GALNT18: variants seen among roughly 807,000 people sequenced by gnomAD.
GALNT18 encodes the protein polypeptide N-acetylgalactosaminyltransferase 18.
GALNT18 carries 44 observed loss-of-function variants against 69.5 expected under a neutral mutation model. The observed-to-expected ratio is 0.63, with a 90% CI of 0.50 to 0.81. The LOEUF (loss-of-function observed/expected upper bound fraction) is 0.81, where lower values mean the gene tolerates loss of function less well. GALNT18 is among the 40% of genes least tolerant of loss of function. The pLI, the probability that GALNT18 is intolerant of heterozygous loss-of-function variation, is 0.00. For missense variants in GALNT18, 715 were observed against 810.0 expected (o/e 0.88, Z 1.42); for synonymous variants, 364 against 318.2 (o/e 1.14, Z -1.53).
rs1855249064 is a variant in GALNT18, at chr11:11,430,894, A to G, written c.595+1727T>C. 2.0e-5 allele frequency among the ~76,000 whole-genome samples: 3 copies of G among 152,072 alleles called. No homozygotes were observed. Among genetic ancestry groups the G allele is most frequent in the African/African-American group, 2.4e-5 (1 of 41,412 alleles). On this transcript the variant is annotated intron_variant, in intron 3 of 10. Transcript: ENST00000227756. The surrounding 1 kb of genome is among the most constrained non-coding windows in gnomAD (Gnocchi z 4.9). ...TAATAAAGCATGACCAAATTCCTCC[A>G]TTGCCCAACTCTGACCCCATCATTC... is the stretch of plus-strand genomic sequence containing the variant.
rs1853951159 is a variant in GALNT18 at position 11,382,785 on chromosome 11, A to G, written c.596-3521T>C. On this transcript the variant is annotated intron_variant, in intron 3 of 10. Transcript: ENST00000227756. This position sits in a 1 kb window ranked among gnomAD's most constrained non-coding sequence, Gnocchi z 4.3. ...TAATTAATTTTTTGAAATTTCTATAAATAACATTTAATAAAGTGTCTTGGT... is the reference window on the plus strand; with the variant it reads ...TAATTAATTTTTTGAAATTTCTATAGATAACATTTAATAAAGTGTCTTGGT... Among the ~76,000 whole-genome samples, 1 of 152,184 alleles carries G rather than the reference A, an allele frequency of 6.6e-6. No individual in the cohort carries two copies. Among genetic ancestry groups the G allele is most frequent in the African/African-American group, 2.4e-5 (1 of 41,434 alleles).
At chr11:11,607,394 C>G (rs926988740) in intron 1 of GALNT18, among the ~76,000 whole-genome samples, 1 of 152,172 alleles carries the variant, frequency 6.6e-6, no homozygotes, top group African/African-American at 2.4e-5. Context: ...ACAATTCTCT[C>G]TAGTAAAGAA....
rs1339622291 is a variant in GALNT18, at chr11:11,270,960, C to T, written c.*184G>A. The T allele has an allele frequency of 3.9e-6, 2 of 516,246 alleles. No individual in the cohort carries two copies. The highest frequency in any genetic ancestry group is 3.8e-5 in the African/African-American group (2 of 53,192). The allele number at this position is 516,246 out of a possible 1,614,324, so 32.0% of individuals were successfully genotyped here. On this transcript the variant is annotated 3_prime_UTR_variant, in exon 11 of 11. Coordinates refer to ENST00000227756, the MANE Select transcript of GALNT18 (RefSeq NM_198516.3). ...AACTGCAAAATAGTTTGATATCATA[C>T]CATCACCTACCAATCAGCATCTTTC...
At chr11:11,445,137 C>T (rs539007603) in intron 2 of GALNT18, among the ~76,000 whole-genome samples, 1 of 152,350 alleles carries the variant, frequency 6.6e-6, no homozygotes, top group South Asian at 2.1e-4. Context: ...GCCTGCCACT[C>T]CCATTAGAGT....
intron 1 of GALNT18, among the ~76,000 whole-genome samples, chr11:11,532,234 C>G (rs1346488055): frequency 6.6e-6 from 1 of 152,114 alleles, no homozygotes; most frequent in Non-Finnish European, 1.5e-5. Context: ...GAGAGAGGAA[C>G]AACAGGAAAA....
chr11:11,479,553 G>T (rs1414517217), intron 1 of GALNT18, among the ~76,000 whole-genome samples: 2 of 151,496 alleles, frequency 1.3e-5, no homozygotes, highest in Non-Finnish European at 2.9e-5. Flanking sequence ...GGTGAAGCAG[G>T]GAACTATTTT....
At chr11:11,374,982 G>A (rs566499863) in intron 5 of GALNT18, among the ~76,000 whole-genome samples, 2 of 152,280 alleles carry the variant, frequency 1.3e-5, no homozygotes, top group South Asian at 2.1e-4. Context: ...GATTCCCTGG[G>A]GATAGCAAGT....
intron 9 of GALNT18, among the ~76,000 whole-genome samples, chr11:11,296,494 G>A (rs1849403306): frequency 6.6e-6 from 1 of 152,204 alleles, no homozygotes; most frequent in South Asian, 2.1e-4. Context: ...GTTTGGGGAT[G>A]TGGGCTGTGA....
intron 3 of GALNT18, among the ~76,000 whole-genome samples, chr11:11,416,817 G>A (rs944758712): frequency 2.6e-5 from 4 of 152,310 alleles, no homozygotes; most frequent in East Asian, 1.9e-4. Flanking sequence ...CTAGGGCAGC[G>A]TGGCGAGCCA....
In GALNT18 at chr11:11,621,509, C is replaced by A; in HGVS notation, c.85G>T (p.Val29Leu). 6.2e-7 allele frequency: 1 copy of A among 1,614,146 alleles called. No individual in the cohort carries two copies. Among genetic ancestry groups the A allele is most frequent in the Non-Finnish European group, 8.5e-7 (1 of 1,180,022 alleles). ...GMTNIICLLY[V>L]GWVTNYIASV... The stretch of plus-strand genomic sequence containing the variant: ...GCGATGTAGTTGGTGACCCAGCCCA[C>A]GTAGAGCAGGCAGATGATGTTAGTC... Residue 29 changes from valine to leucine, a missense_variant, in exon 1 of 11, where the codon GTG becomes TTG. By Grantham distance (32) the Val-to-Leu change is conservative. Transcript: ENST00000227756. The surrounding 1 kb of genome is among the most constrained non-coding windows in gnomAD (Gnocchi z 9.3).
At position 11,386,704 on chromosome 11, in the gene GALNT18, G is replaced by T. The variant is rs75329972; in HGVS notation, c.596-7440C>A. ...CATTTAATCATTTCAACAACCCTAA[G>T]ATATAGCTCCTATTATTATCGTTCT... is the stretch of plus-strand genomic sequence containing the variant. On this transcript the variant is annotated intron_variant, in intron 3 of 10. Coordinates refer to ENST00000227756, the MANE Select transcript of GALNT18 (RefSeq NM_198516.3). Among the ~76,000 whole-genome samples, 60 of 152,198 alleles carry T rather than the reference G, an allele frequency of 3.9e-4. No homozygotes were observed. In the East Asian group the frequency reaches 0.01, roughly 25 times the overall value.
chr11:11,272,319 A>C (rs1302018183), intron 10 of GALNT18, among the ~76,000 whole-genome samples: 6 of 151,978 alleles, frequency 3.9e-5, no homozygotes, highest in African/African-American at 1.5e-4. Context: ...CTTTCCCATC[A>C]CACTTGCCCT....
Position 11,337,078 on chromosome 11 carries a change from T to G in GALNT18, c.1278+3741A>C, listed in dbSNP as rs557579432. 1.4e-4 allele frequency among the ~76,000 whole-genome samples: 22 copies of G among 152,114 alleles called. No homozygotes were observed. Among genetic ancestry groups the G allele is most frequent in the African/African-American group, 4.6e-4 (19 of 41,402 alleles). On this transcript the variant is annotated intron_variant, in intron 7 of 10. Transcript: ENST00000227756. This position sits in a 1 kb window ranked among gnomAD's most constrained non-coding sequence, Gnocchi z 4.9. The stretch of plus-strand genomic sequence containing the variant: ...TTACACAAACCTGGCCACCCTAAAC[T>G]CTCATCTGGAGGGCTTTTTGTAGAT...
rs564780038 is a variant in GALNT18, at chr11:11,511,952, C to A, written c.236-63016G>T. On this transcript the variant is annotated intron_variant, in intron 1 of 10. Coordinates refer to ENST00000227756, the MANE Select transcript of GALNT18 (RefSeq NM_198516.3). This position sits in a 1 kb window ranked among gnomAD's most constrained non-coding sequence, Gnocchi z 4.9. ...TGTTACAGCAGCTCAAACTGATCAA[C>A]ACATATACATATGTATATGTATGCA... Among the ~76,000 whole-genome samples, 3 of 152,268 alleles carry A rather than the reference C, an allele frequency of 2.0e-5. No individual in the cohort carries two copies. Among genetic ancestry groups the A allele is most frequent in the East Asian group, 1.9e-4 (1 of 5,184 alleles).
Position 11,415,225 on chromosome 11 carries a change from T to C in GALNT18, c.595+17396A>G, listed in dbSNP as rs765070577. ...GATTATGTCAGGCCCAACCAACCGA[T>C]TGGGGACCTTAATTACGTCAGCCAA... On this transcript the variant is annotated intron_variant, in intron 3 of 10. Coordinates refer to ENST00000227756, the MANE Select transcript of GALNT18 (RefSeq NM_198516.3). The surrounding 1 kb of genome is among the most constrained non-coding windows in gnomAD (Gnocchi z 4.1). 1.1e-4 allele frequency among the ~76,000 whole-genome samples: 16 copies of C among 152,182 alleles called. No homozygotes were observed. The highest frequency in any genetic ancestry group is 2.2e-4 in the Non-Finnish European group (15 of 68,036).
intron 6 of GALNT18, among the ~76,000 whole-genome samples, chr11:11,358,230 A>C (rs1850570793): frequency 7.1e-6 from 1 of 140,488 alleles, no homozygotes; most frequent in African/African-American, 2.6e-5. Context: ...CAGGTATTAT[A>C]TTTCTCTCTA....
At chr11:11,513,267 A>C (rs896767518) in intron 1 of GALNT18, among the ~76,000 whole-genome samples, 20 of 152,198 alleles carry the variant, frequency 1.3e-4, no homozygotes, top group African/African-American at 4.8e-4. Context: ...CTCCCTCCAA[A>C]GGCTGGCAGC....
At chr11:11,306,551 T>C (rs759269413) in intron 9 of GALNT18, among the ~76,000 whole-genome samples, 2 of 152,368 alleles carry the variant, frequency 1.3e-5, no homozygotes, top group Non-Finnish European at 2.9e-5. Context: ...CATGTCTTTA[T>C]TGGATGTTAC....
At chr11:11,272,974 CT>C (rs1404821306) in intron 10 of GALNT18, among the ~76,000 whole-genome samples, 1 of 151,660 alleles carries the variant, frequency 6.6e-6, no homozygotes, top group African/African-American at 2.4e-5. Flanking sequence ...AATAAATTGC[CT>C]GAGAAAATGC....
Sources: allele counts gnomAD v4.1 joint callset (sites outside exome capture counted in the v4.1 genomes callset), GRCh38; gene constraint gnomAD v4.1.1; non-coding constraint Gnocchi (gnomAD v3.1); transcripts MANE v1.5; gene names NCBI Gene and HGNC (gene_info 2026-07-23, HGNC 2026-07-21).